Variants in SBK1 observed in about 807,000 individuals in gnomAD.
The protein encoded by SBK1 is serine/threonine-protein kinase SBK1.
Under a neutral mutation model 24.4 loss-of-function variants are expected in SBK1, and 11 were observed. The observed-to-expected ratio is 0.45, with a 90% CI of 0.28 to 0.75. The LOEUF (loss-of-function observed/expected upper bound fraction) is 0.75, where lower values mean the gene tolerates loss of function less well. SBK1 is among the 30% of genes least tolerant of loss of function. The pLI is 0.12. For missense variants in SBK1, 467 were observed against 620.5 expected (o/e 0.75, Z 2.63); for synonymous variants, 308 against 284.4 (o/e 1.08, Z -0.83).
chr16:28,287,368 G>A (rs1182535170), intron 1 of SBK1, among the ~76,000 whole-genome samples: 2 of 149,384 alleles, frequency 1.3e-5, no homozygotes, highest in South Asian at 2.1e-4. Context: ...AGAACTGCTC[G>A]AACCTGGGAG....
At chr16:28,287,401 A>T (rs2044572594) in intron 1 of SBK1, among the ~76,000 whole-genome samples, 1 of 148,984 alleles carries the variant, frequency 6.7e-6, no homozygotes, top group African/African-American at 2.5e-5. Flanking sequence ...GTGAGCCGAG[A>T]TTGTGCCATT....
intron 1 of SBK1, among the ~76,000 whole-genome samples, chr16:28,270,679 T>TC (rs1213154398): frequency 6.6e-6 from 1 of 151,848 alleles, no homozygotes; most frequent in East Asian, 1.9e-4. Context: ...CATTTCAGCC[T>TC]CCCAAAGTGC....
upstream of SBK1, chr16:28,292,400 G>C (rs1318240882): frequency 2.6e-6 from 1 of 384,972 alleles, no homozygotes; most frequent in Admixed American, 6.7e-5. Flanking sequence ...CGCGGCGGGT[G>C]AGCGCGCTTG....
intron 1 of SBK1, among the ~76,000 whole-genome samples, chr16:28,274,832 T>C (rs2044486664): frequency 1.3e-5 from 2 of 151,918 alleles, no homozygotes; most frequent in Non-Finnish European, 2.9e-5. Flanking sequence ...GCAACTGTAA[T>C]GTGAGGGGGG....
At chr16:28,261,478 C>CACACAA (rs1426994495) in intron 1 of SBK1, among the ~76,000 whole-genome samples, 10 of 138,074 alleles carry the variant, frequency 7.2e-5, no homozygotes, top group African/African-American at 2.8e-4. Context: ...CACACACACA[C>CACACAA]AATTAGCCAG....
intron 1 of SBK1, among the ~76,000 whole-genome samples, chr16:28,272,104 G>T (rs542533812): frequency 1.1e-4 from 17 of 152,154 alleles, no homozygotes; most frequent in Non-Finnish European, 2.1e-4. Context: ...TTGAGACATG[G>T]TCTTACTCTG....
At position 28,275,509 on chromosome 16, in the gene SBK1, G is replaced by A. The variant is rs187228987; in HGVS notation, c.257+16007G>A. Among the ~76,000 whole-genome samples, 11 of 152,206 alleles carry A rather than the reference G, an allele frequency of 7.2e-5. 1 individual carries two copies. Among genetic ancestry groups the A allele is most frequent in the South Asian group, 6.2e-4 (3 of 4,828 alleles). The stretch of plus-strand genomic sequence containing the variant: ...CCAGTTCCATCAAGAAGCTTTGTTC[G>A]GGGGCCCAGAAATGGCTCAAGACGT... On this transcript the variant is annotated intron_variant, in intron 1 of 3. Transcript: ENST00000671413.
intron 1 of SBK1, among the ~76,000 whole-genome samples, chr16:28,301,158 C>G (rs2044675979): frequency 6.6e-6 from 1 of 152,216 alleles, no homozygotes. Context: ...GGCCACCTGC[C>G]TCACCCAGGC....
Position 28,320,909 on chromosome 16 carries a change from G to A in SBK1, c.1263G>A (p.Glu421=). The change falls in exon 4 of 4, where the codon GAG becomes GAA. Residue 421 remains glutamate, a synonymous_variant. Coordinates refer to ENST00000341901, the MANE Select transcript of SBK1 (RefSeq NM_001024401.3). The surrounding 1 kb of genome is among the most constrained non-coding windows in gnomAD (Gnocchi z 8.5). Reference sequence around the variant, plus strand: ...AGGTGGTGCTGGCCACGGCCATCGAGATCTGCGTCTGAGTCGCCTCCGCCG... The same window carrying A: ...AGGTGGTGCTGGCCACGGCCATCGAAATCTGCGTCTGAGTCGCCTCCGCCG... The part of the protein sequence containing the change: ...KGQVVLATAI[E]ICV 1 of 1,486,658 alleles carries A rather than the reference G, an allele frequency of 6.7e-7. No homozygotes were observed. 92.1% of individuals were successfully genotyped at this position (1,486,658 alleles called of 1,614,324 possible).
At chr16:28,302,296 C>T (rs2044684791) in intron 1 of SBK1, among the ~76,000 whole-genome samples, 1 of 152,228 alleles carries the variant, frequency 6.6e-6, no homozygotes, top group East Asian at 1.9e-4. Context: ...CTTGGTGGCC[C>T]CCACCCTCTG....
intron 1 of SBK1, among the ~76,000 whole-genome samples, chr16:28,265,115 T>C (rs1250826786): frequency 6.8e-6 from 1 of 146,446 alleles, no homozygotes; most frequent in East Asian, 2.0e-4. Flanking sequence ...CTACAACAAG[T>C]GAGAGAGAAA....
intron 1 of SBK1, among the ~76,000 whole-genome samples, chr16:28,268,820 A>C (rs900352496): frequency 6.6e-6 from 1 of 152,070 alleles, no homozygotes; most frequent in African/African-American, 2.4e-5. Flanking sequence ...TTGATCCAGC[A>C]GTCTTGGCCA....
At chr16:28,262,084 C>T (rs778975280) in intron 1 of SBK1, among the ~76,000 whole-genome samples, 19 of 152,172 alleles carry the variant, frequency 1.2e-4, no homozygotes, top group East Asian at 5.8e-4. Flanking sequence ...GTGATGTGTC[C>T]GCCCAGGCTG....
At chr16:28,294,273 CT>C (rs1160641742) in intron 1 of SBK1, among the ~76,000 whole-genome samples, 1 of 152,146 alleles carries the variant, frequency 6.6e-6, no homozygotes, top group Non-Finnish European at 1.5e-5. Context: ...GAATCAGATC[CT>C]GAGAAGGGGC....
chr16:28,278,936 GA>G (rs2141566130), intron 1 of SBK1, among the ~76,000 whole-genome samples: 1 of 152,180 alleles, frequency 6.6e-6, no homozygotes, highest in East Asian at 1.9e-4. Flanking sequence ...CATTAGAAAG[GA>G]AAAAAGGGCC....
chr16:28,313,070 C>T lies in SBK1; in HGVS notation c.-7-4315C>T, dbSNP rs565180142. ...GCTTGAACCCAGAAGGCAGAGGTTG[C>T]GGCGAGCCAAGATTGCACCAGGCAA... On this transcript the variant is annotated intron_variant, in intron 1 of 3. Coordinates refer to ENST00000341901, the MANE Select transcript of SBK1 (RefSeq NM_001024401.3). 1.8e-3 allele frequency among the ~76,000 whole-genome samples: 281 copies of T among 152,224 alleles called. 1 individual carries two copies. The highest frequency in any genetic ancestry group is 0.013 in the South Asian group (62 of 4,824).
Position 28,320,494 on chromosome 16 carries a change from G to A in SBK1, c.848G>A (p.Arg283His). 6.4e-7 allele frequency: 1 copy of A among 1,571,360 alleles called. No individual in the cohort carries two copies. Among genetic ancestry groups the A allele is most frequent in the Non-Finnish European group, 8.6e-7 (1 of 1,165,324 alleles). The change falls in exon 4 of 4, where the codon CGC becomes CAC. Residue 283 changes from arginine to histidine, a missense_variant. Arg to His is a conservative substitution (Grantham distance 29, BLOSUM62 0). Coordinates refer to ENST00000341901, the MANE Select transcript of SBK1 (RefSeq NM_001024401.3). The surrounding 1 kb of genome is among the most constrained non-coding windows in gnomAD (Gnocchi z 8.5). ...CCGGGGCTGCCTTCGCAGTGGCGCC[G>A]CTTCACCGAGCCCGCGCTGCGCATG... is the stretch of plus-strand genomic sequence containing the variant. ...RLPGLPSQWR[R>H]FTEPALRMFQ...
At chr16:28,300,276 A>C (rs1162538495) in intron 1 of SBK1, among the ~76,000 whole-genome samples, 1 of 152,016 alleles carries the variant, frequency 6.6e-6, no homozygotes, top group African/African-American at 2.4e-5. Flanking sequence ...GCTGTGTGAC[A>C]CAGGACACAT....
intron 1 of SBK1, chr16:28,287,167 T>A (rs1228276011): frequency 1.4e-5 from 2 of 144,318 alleles, no homozygotes; most frequent in East Asian, 4.1e-4. Context: ...GAGACTGGAC[T>A]AGGTAGCTCA....
Sources: gnomAD v4.1 joint callset for allele counts (sites outside exome capture counted in the v4.1 genomes callset) on GRCh38, gnomAD v4.1.1 for gene constraint, Gnocchi (gnomAD v3.1) non-coding constraint, MANE v1.5 for transcripts, NCBI Gene and HGNC (gene_info 2026-07-23, HGNC 2026-07-21) for gene names.